CENPC: variants seen among roughly 807,000 people sequenced by gnomAD.
CENPC encodes CENP-C 1.
Under a neutral mutation model 112.1 loss-of-function variants are expected in CENPC, and 63 were observed. The ratio of observed to expected loss-of-function variants is 0.56; its 90% CI spans 0.46 to 0.69. The LOEUF is 0.69. Ranked by LOEUF, CENPC falls within the 30% of genes least tolerant of loss-of-function variation. CENPC has a pLI of 0.00. For synonymous variants in CENPC, 333 were observed against 367.6 expected, an observed-to-expected ratio of 0.91 and a Z score of 1.08; for missense variants, 1,000 against 1,103.8, an observed-to-expected ratio of 0.91 and a Z score of 1.33.
intron 8 of CENPC, among the ~76,000 whole-genome samples, chr4:67,513,244 A>G (rs1725947125): frequency 6.9e-6 from 1 of 144,988 alleles, no homozygotes; most frequent in South Asian, 2.3e-4. Context: ...ATTTTATCCC[A>G]GTGAGACATC....
In CENPC at chr4:67,520,092, A is replaced by G. The variant is rs76532100; in HGVS notation, c.332-590T>C. On this transcript the variant is annotated intron_variant, in intron 5 of 18. Transcript: ENST00000273853. Reference sequence around the variant, plus strand: ...TTGCTAGTATAACCTGTAACCACCAATAGGTGAAAGACAGGGTGGAGGCTG... The same window carrying G: ...TTGCTAGTATAACCTGTAACCACCAGTAGGTGAAAGACAGGGTGGAGGCTG... Among the ~76,000 whole-genome samples the G allele has an allele frequency of 5.7e-3, 867 of 152,282 alleles. 5 individuals carry two copies. The highest frequency in any genetic ancestry group is 0.031 in the Middle Eastern group (9 of 294).
intron 1 of CENPC, 139 bp from the exon 2 acceptor site, chr4:67,544,334 T>C (rs185656329): frequency 6.5e-4 from 395 of 604,748 alleles, no homozygotes; most frequent in Non-Finnish European, 1.1e-3. Context: ...TGAGGTTATG[T>C]TATGACATAA....
chr4:67,513,578 A>T (rs929429294), intron 8 of CENPC, among the ~76,000 whole-genome samples: 1 of 152,154 alleles, frequency 6.6e-6, no homozygotes, highest in Non-Finnish European at 1.5e-5. Flanking sequence ...TATATTATCT[A>T]TTATTCTACA....
At chr4:67,504,144 A>G (rs916440514) in intron 12 of CENPC, among the ~76,000 whole-genome samples, 2 of 150,996 alleles carry the variant, frequency 1.3e-5, no homozygotes, top group African/African-American at 4.9e-5. Context: ...GCTAGAACCA[A>G]TCCCAGGTCC....
chr4:67,472,364 G>A lies in CENPC; in HGVS notation c.*241C>T. 1 of 351,384 alleles carries A rather than the reference G, an allele frequency of 2.8e-6. No individual in the cohort carries two copies. The highest frequency in any genetic ancestry group is 4.5e-6 in the Non-Finnish European group (1 of 221,986). The allele number at this position is 351,384 out of a possible 1,614,324, so 21.8% of individuals were successfully genotyped here. ...TTCTATATTTCATTTTCATATTCTT[G>A]TCAAATTATAAAAATAATATCATAA... is the stretch of plus-strand genomic sequence containing the variant. On this transcript the variant is annotated 3_prime_UTR_variant, in exon 19 of 19. Coordinates refer to ENST00000273853, the MANE Select transcript of CENPC (RefSeq NM_001812.4).
chr4:67,491,445 T>TGATATATATATA (rs1560423071), intron 16 of CENPC, among the ~76,000 whole-genome samples: 1 of 64,180 alleles, frequency 1.6e-5, no homozygotes, highest in African/African-American at 5.9e-5. Flanking sequence ...TTTAAATATT[T>TGATATATATATA]CATATATATA....
chr4:67,480,156 C>T (rs1724913582), intron 17 of CENPC, among the ~76,000 whole-genome samples: 1 of 152,018 alleles, frequency 6.6e-6, no homozygotes, highest in African/African-American at 2.4e-5. Context: ...CCCGTCTCTA[C>T]TAAAAATACA....
At chr4:67,493,508 C>T (rs1725341908) in intron 14 of CENPC, 2 of 182,244 alleles carry the variant, frequency 1.1e-5, no homozygotes, top group Non-Finnish European at 1.1e-5. Flanking sequence ...AATAACTCTA[C>T]GATTAACACT....
chr4:67,524,733 T>C (rs355498), intron 5 of CENPC, among the ~76,000 whole-genome samples: 95,864 of 152,018 alleles, frequency 0.63, 30,478 homozygotes, highest in East Asian at 0.81. Flanking sequence ...AGAATCAATA[T>C]AGTGAAAATG....
rs536736964 is a variant in CENPC at position 67,537,502 on chromosome 4, T to A, written c.231+2338A>T. The stretch of plus-strand genomic sequence containing the variant: ...GAGACCCTGCCTCTGTAAAGAAAAA[T>A]TTTAAAATGGCCGGGTGCGGTGGCT... On this transcript the variant is annotated intron_variant, in intron 4 of 18. Coordinates refer to ENST00000273853, the MANE Select transcript of CENPC (RefSeq NM_001812.4). Among the ~76,000 whole-genome samples the A allele has an allele frequency of 4.2e-3, 641 of 151,614 alleles. 3 individuals carry two copies. Among genetic ancestry groups the A allele is most frequent in the African/African-American group, 0.015 (623 of 41,312 alleles).
intron 7 of CENPC, among the ~76,000 whole-genome samples, chr4:67,515,453 A>C (rs1726032540): frequency 6.6e-6 from 1 of 151,676 alleles, no homozygotes; most frequent in South Asian, 2.1e-4. Context: ...GTGACTGAGC[A>C]AAACTCCATC....
intron 12 of CENPC, among the ~76,000 whole-genome samples, chr4:67,496,815 T>C (rs998739066): frequency 3.9e-5 from 6 of 152,142 alleles, no homozygotes; most frequent in African/African-American, 1.4e-4. Context: ...TATCATTGAT[T>C]TGTACACTCT....
intron 10 of CENPC, among the ~76,000 whole-genome samples, chr4:67,507,488 C>A (rs1262548040): frequency 6.6e-6 from 1 of 152,098 alleles, no homozygotes; most frequent in Non-Finnish European, 1.5e-5. Flanking sequence ...ATACTAGGAA[C>A]AACTGTATGC....
At chr4:67,480,945 A>T (rs1484193926) in intron 17 of CENPC, among the ~76,000 whole-genome samples, 1 of 152,212 alleles carries the variant, frequency 6.6e-6, no homozygotes, top group East Asian at 1.9e-4. Flanking sequence ...TCCTGGCCAG[A>T]GCAATCGGAC....
At chr4:67,494,105 C>A in intron 13 of CENPC, 117 bp from the exon 14 acceptor site, 1 of 540,962 alleles carries the variant, frequency 1.8e-6, no homozygotes. Flanking sequence ...GAATATTTTT[C>A]TAGACAAAAG....
At position 67,471,449 on chromosome 4, in the gene CENPC, T is replaced by C. The variant is rs1373387870; in HGVS notation, c.*1156A>G. 6.6e-6 allele frequency: 1 copy of C among 151,938 alleles called. No individual in the cohort carries two copies. The highest frequency in any genetic ancestry group is 2.1e-4 in the South Asian group (1 of 4,816). 9.4% of individuals were successfully genotyped at this position (151,938 alleles called of 1,614,324 possible). Reference sequence around the variant, plus strand: ...ATACTAAAGGAAAAAAAGCATTCAGTGAAAACTAAATCTGTATGGGCCCAG... The same window carrying C: ...ATACTAAAGGAAAAAAAGCATTCAGCGAAAACTAAATCTGTATGGGCCCAG... On this transcript the variant is annotated 3_prime_UTR_variant, in exon 19 of 19. Transcript: ENST00000273853.
intron 4 of CENPC, among the ~76,000 whole-genome samples, chr4:67,537,419 G>C (rs1314513938): frequency 6.6e-6 from 1 of 152,178 alleles, no homozygotes; most frequent in African/African-American, 2.4e-5. Flanking sequence ...GCTTTGGGAA[G>C]CTGAGGCAGG....
At position 67,470,787 on chromosome 4, in the gene CENPC, A is replaced by C. The variant is rs1724640198; in HGVS notation, c.*1818T>G. The C allele has an allele frequency of 6.6e-6, 1 of 152,186 alleles. No homozygotes were observed. Among genetic ancestry groups the C allele is most frequent in the African/African-American group, 2.4e-5 (1 of 41,428 alleles). 9.4% of individuals were successfully genotyped at this position (152,186 alleles called of 1,614,324 possible). A position where few individuals can be genotyped will look rare whatever the true frequency, so the allele number is the denominator to read the frequency against. On this transcript the variant is annotated 3_prime_UTR_variant, in exon 19 of 19. Coordinates refer to ENST00000273853, the MANE Select transcript of CENPC (RefSeq NM_001812.4). ...GAGTCTTGATTTACAGCAGAGGTATAAACCTACAACTTTGTAAGTCAAAAG... is the reference window on the plus strand; with the variant it reads ...GAGTCTTGATTTACAGCAGAGGTATCAACCTACAACTTTGTAAGTCAAAAG...
At chr4:67,477,071 G>C (rs1206690570) in intron 17 of CENPC, among the ~76,000 whole-genome samples, 1 of 152,050 alleles carries the variant, frequency 6.6e-6, no homozygotes, top group Non-Finnish European at 1.5e-5. Context: ...TGCACCTGAT[G>C]GTCTTTCTCT....
Sources: gnomAD v4.1 joint callset for allele counts (sites outside exome capture counted in the v4.1 genomes callset) on GRCh38, gnomAD v4.1.1 for gene constraint, MANE v1.5 for transcripts, NCBI Gene and HGNC (gene_info 2026-07-23, HGNC 2026-07-21) for gene names.